RDH10: variants seen among roughly 807,000 people sequenced by gnomAD.
The protein encoded by RDH10 is retinol dehydrogenase 10.
RDH10 carries 12 observed loss-of-function variants against 30.2 expected under a neutral mutation model. That is an observed-to-expected ratio of 0.40 (90% CI 0.25 to 0.64). The LOEUF (loss-of-function observed/expected upper bound fraction) is 0.64. RDH10 is among the 30% of genes least tolerant of loss of function. RDH10 has a pLI of 0.43. For synonymous variants in RDH10, 189 were observed against 172.2 expected (o/e 1.10, Z -0.76); for missense variants, 268 against 445.2 (o/e 0.60, Z 3.58).
chr8:73,323,038 A>C lies in RDH10; in HGVS notation c.*2A>C. The C allele has an allele frequency of 6.2e-7, 1 of 1,611,118 alleles. No homozygotes were observed. The highest frequency in any genetic ancestry group is 1.1e-5 in the South Asian group (1 of 90,978). ...AATGAAGCAAAAAATGGAATCTAAG[A>C]ATCTTTTTGTATGGAATATTACTTC... On this transcript the variant is annotated 3_prime_UTR_variant, in exon 6 of 6. Transcript: ENST00000240285.
intron 2 of RDH10, among the ~76,000 whole-genome samples, chr8:73,304,892 A>G (rs1338576096): frequency 1.3e-5 from 2 of 152,256 alleles, no homozygotes; most frequent in Non-Finnish European, 2.9e-5. Flanking sequence ...TTCTTGGCTC[A>G]AGGAATGGCC....
intron 2 of RDH10, among the ~76,000 whole-genome samples, chr8:73,301,649 A>C (rs959503425): frequency 6.6e-6 from 1 of 152,028 alleles, no homozygotes; most frequent in South Asian, 2.1e-4. Context: ...CCAGCTACTC[A>C]GGAGGCTGAG....
chr8:73,305,707 C>G (rs1282520513), intron 2 of RDH10, among the ~76,000 whole-genome samples: 1 of 152,174 alleles, frequency 6.6e-6, no homozygotes, highest in Non-Finnish European at 1.5e-5. Context: ...TGCTGAAGTT[C>G]CACTAGGGGG....
intron 2 of RDH10, among the ~76,000 whole-genome samples, chr8:73,314,609 C>T (rs1275874844): frequency 1.3e-5 from 2 of 152,164 alleles, no homozygotes; most frequent in African/African-American, 4.8e-5. Context: ...TGCCTTTGCC[C>T]GACACAGAGC....
intron 2 of RDH10, among the ~76,000 whole-genome samples, chr8:73,316,966 G>A (rs1394914037): frequency 6.6e-6 from 1 of 152,090 alleles, no homozygotes; most frequent in Non-Finnish European, 1.5e-5. Context: ...CTGACATTGA[G>A]GATTATAGTT....
intron 2 of RDH10, among the ~76,000 whole-genome samples, chr8:73,305,569 G>T (rs1814452226): frequency 1.3e-5 from 2 of 152,146 alleles, no homozygotes; most frequent in Non-Finnish European, 2.9e-5. Flanking sequence ...TGCTATGTTT[G>T]TTTGCTTGCT....
At chr8:73,319,020 G>A (rs769934933) in intron 2 of RDH10, 76 bp from the exon 3 acceptor site, 7 of 895,096 alleles carry the variant, frequency 7.8e-6, no homozygotes, top group Non-Finnish European at 5.3e-6. Flanking sequence ...ATAAAAGTTT[G>A]TTTTGTGATC....
At chr8:73,310,446 G>A (rs1814544651) in intron 2 of RDH10, among the ~76,000 whole-genome samples, 1 of 152,286 alleles carries the variant, frequency 6.6e-6, no homozygotes, top group East Asian at 1.9e-4. Context: ...TGGGGACATT[G>A]AGAGCTGTGC....
chr8:73,297,532 C>T (rs1319552216), intron 2 of RDH10, 103 bp downstream of exon 2: 18 of 787,740 alleles, frequency 2.3e-5, no homozygotes, highest in Middle Eastern at 3.1e-4. Flanking sequence ...TGTACTCTTT[C>T]GCCACAAGGT....
At chr8:73,297,462 G>C (rs749978852) in intron 2 of RDH10, 33 bp downstream of exon 2, 1 of 1,485,414 alleles carries the variant, frequency 6.7e-7, no homozygotes, top group Non-Finnish European at 9.4e-7. Flanking sequence ...TCTTTGCTGG[G>C]CCCTCCTTAA....
intron 2 of RDH10, among the ~76,000 whole-genome samples, chr8:73,305,449 CT>C (rs1814450467): frequency 6.6e-6 from 1 of 152,152 alleles, no homozygotes; most frequent in Non-Finnish European, 1.5e-5. Flanking sequence ...AAAATTTCTG[CT>C]TTAGTTCTTT....
chr8:73,323,991 C>CT lies in RDH10; in HGVS notation c.*956dup, dbSNP rs1814820416. On this transcript the variant is annotated 3_prime_UTR_variant, in exon 6 of 6. Transcript: ENST00000240285. Reference sequence around the variant, plus strand: ...ATCTCTGATATACTTCATTAAGTGTCTGGAGACCTAATTATCCTAAAAGAT... The same window carrying CT: ...ATCTCTGATATACTTCATTAAGTGTCTTGGAGACCTAATTATCCTAAAAGAT... 3 of 152,594 alleles carry CT rather than the reference C, an allele frequency of 2.0e-5. No individual in the cohort carries two copies. Among genetic ancestry groups the CT allele is most frequent in the African/African-American group, 7.2e-5 (3 of 41,456 alleles). 9.5% of individuals were successfully genotyped at this position (152,594 alleles called of 1,614,324 possible).
At chr8:73,303,292 GT>G (rs1814410964) in intron 2 of RDH10, among the ~76,000 whole-genome samples, 1 of 152,124 alleles carries the variant, frequency 6.6e-6, no homozygotes, top group African/African-American at 2.4e-5. Context: ...AGGTTCTTAT[GT>G]GATTTACTGG....
At chr8:73,298,509 A>G (rs993294038) in intron 2 of RDH10, among the ~76,000 whole-genome samples, 1 of 146,654 alleles carries the variant, frequency 6.8e-6, no homozygotes, top group African/African-American at 2.5e-5. Context: ...TTATTTTTAA[A>G]TATGAACTTT....
chr8:73,295,144 C>T lies in RDH10; in HGVS notation c.-146C>T, dbSNP rs577116509. On this transcript the variant is annotated 5_prime_UTR_variant, in exon 1 of 6. Coordinates refer to ENST00000240285, the MANE Select transcript of RDH10 (RefSeq NM_172037.5). ...GGGAGCGGCGCCGCGCACTCCAACCCGGCGGGCACCTCGGGGGCGGGCGCG... is the reference window on the plus strand; with the variant it reads ...GGGAGCGGCGCCGCGCACTCCAACCTGGCGGGCACCTCGGGGGCGGGCGCG... The T allele has an allele frequency of 2.9e-6, 2 of 701,130 alleles. No individual in the cohort carries two copies. Among genetic ancestry groups the T allele is most frequent in the African/African-American group, 1.9e-5 (1 of 52,344 alleles). The allele number at this position is 701,130 out of a possible 1,614,324, so 43.4% of individuals were successfully genotyped here.
chr8:73,297,023 A>C (rs117345198), intron 1 of RDH10, 171 bp from the exon 2 acceptor site: 16,119 of 598,424 alleles, frequency 0.027, 295 homozygotes, highest in Non-Finnish European at 0.038. Flanking sequence ...TCATGGGAGG[A>C]AGGCAGCTGT....
At chr8:73,295,909 TC>T (rs1405262773) in intron 1 of RDH10, 3 of 1,078,276 alleles carry the variant, frequency 2.8e-6, no homozygotes, top group Non-Finnish European at 3.5e-6. Context: ...AATGTCTTGC[TC>T]CGACTTACAA....
Position 73,295,194 on chromosome 8 carries a change from T to C in RDH10, c.-96T>C. On this transcript the variant is annotated 5_prime_UTR_variant, in exon 1 of 6. Transcript: ENST00000240285. ...GGGGCGCAGCCTTCTCGTCCCGGCC[T>C]CTGTGACAAGCGCCCCGGAGCCGGG... 1 of 1,239,212 alleles carries C rather than the reference T, an allele frequency of 8.1e-7. No individual in the cohort carries two copies. Among genetic ancestry groups the C allele is most frequent in the Non-Finnish European group, 1.1e-6 (1 of 933,702 alleles). The allele number at this position is 1,239,212 out of a possible 1,614,324, so 76.8% of individuals were successfully genotyped here. A position where few individuals can be genotyped will look rare whatever the true frequency, so the allele number is the denominator to read the frequency against.
Position 73,294,775 on chromosome 8 carries a change from G to C in RDH10, c.-515G>C. 1 of 361,146 alleles carries C rather than the reference G, an allele frequency of 2.8e-6. No homozygotes were observed. The highest frequency in any genetic ancestry group is 4.0e-5 in the East Asian group (1 of 25,100). The allele number at this position is 361,146 out of a possible 1,614,324, so 22.4% of individuals were successfully genotyped here. The stretch of plus-strand genomic sequence containing the variant: ...AGTCTCCCCTTCCCGGCGCTCCGCC[G>C]CCCCGCACCCCACTCTCCCACCCTC... On this transcript the variant is annotated 5_prime_UTR_variant, in exon 1 of 6. Coordinates refer to ENST00000240285, the MANE Select transcript of RDH10 (RefSeq NM_172037.5).
Sources: allele counts gnomAD v4.1 joint callset (sites outside exome capture counted in the v4.1 genomes callset), GRCh38; gene constraint gnomAD v4.1.1; transcripts MANE v1.5; gene names NCBI Gene and HGNC (gene_info 2026-07-23, HGNC 2026-07-21).